Variants in RBFOX3 observed in about 807,000 individuals in gnomAD.
RBFOX3 encodes RNA binding protein fox-1 homolog 3.
A neutral mutation model predicts 48.7 loss-of-function variants in RBFOX3; 17 were observed. The ratio of observed to expected loss-of-function variants is 0.35; its 90% CI spans 0.24 to 0.52. RBFOX3 has a LOEUF of 0.52. Among genes scored for constraint, RBFOX3 ranks in the 20% least tolerant of loss-of-function variants. RBFOX3 has a pLI of 0.94. For synonymous variants in RBFOX3, 212 were observed against 209.5 expected (o/e 1.01, Z -0.10); for missense variants, 382 against 497.5 (o/e 0.77, Z 2.21).
intron 8 of RBFOX3, among the ~76,000 whole-genome samples, chr17:79,102,240 C>T (rs2076579985): frequency 6.6e-6 from 1 of 152,184 alleles, no homozygotes; most frequent in Admixed American, 6.5e-5. Flanking sequence ...CCAGGGGCAG[C>T]CTGGGATGGA....
At chr17:79,348,570 CCTTT>C (rs2083299948) in intron 2 of RBFOX3, among the ~76,000 whole-genome samples, 1 of 97,786 alleles carries the variant, frequency 1.0e-5, no homozygotes, top group Admixed American at 1.2e-4. Flanking sequence ...CTTTTCTTTT[CCTTT>C]TTTTTTTTTT....
Position 79,248,240 on chromosome 17 carries a change from G to T in RBFOX3, c.-73-12435C>A, listed in dbSNP as rs572909118. Among the ~76,000 whole-genome samples, 496 of 148,740 alleles carry T rather than the reference G, an allele frequency of 3.3e-3. 1 individual carries two copies. The highest frequency in any genetic ancestry group is 0.011 in the African/African-American group (450 of 40,754). On this transcript the variant is annotated intron_variant, in intron 3 of 14. Coordinates refer to ENST00000693108, the MANE Select transcript of RBFOX3 (RefSeq NM_001350451.2). ...TGGTGGCTTTGTTTTGTGTGTGTGTGTTTTTTTTTTGGAGATGGAGTCTTG... is the reference window on the plus strand; with the variant it reads ...TGGTGGCTTTGTTTTGTGTGTGTGTTTTTTTTTTTTGGAGATGGAGTCTTG...
chr17:79,558,037 ACTG>A (rs1279590058), intron 1 of RBFOX3, among the ~76,000 whole-genome samples: 41 of 152,276 alleles, frequency 2.7e-4, no homozygotes, highest in African/African-American at 9.6e-4. Flanking sequence ...GCAGCCTGAA[ACTG>A]CTATTTTCTG....
At chr17:79,583,500 C>T (rs2093145436) in intron 1 of RBFOX3, among the ~76,000 whole-genome samples, 1 of 152,078 alleles carries the variant, frequency 6.6e-6, no homozygotes, top group Non-Finnish European at 1.5e-5. Flanking sequence ...TAACTGGGAC[C>T]CCTAAGTGGG....
intron 14 of RBFOX3, among the ~76,000 whole-genome samples, chr17:79,093,710 G>A (rs1381379621): frequency 6.6e-6 from 1 of 152,122 alleles, no homozygotes; most frequent in Non-Finnish European, 1.5e-5. Flanking sequence ...CGGGGCTGGG[G>A]CCAGTGGGTA....
intron 3 of RBFOX3, among the ~76,000 whole-genome samples, chr17:79,303,518 T>C (rs964841252): frequency 6.6e-6 from 1 of 152,086 alleles, no homozygotes; most frequent in African/African-American, 2.4e-5. Flanking sequence ...CCTGATTTTA[T>C]TAAAAGTCCC....
At position 79,388,079 on chromosome 17, in the gene RBFOX3, C is replaced by T. The variant is rs115547495; in HGVS notation, c.-174-80255G>A. On this transcript the variant is annotated intron_variant, in intron 2 of 14. Transcript: ENST00000693108. Reference sequence around the variant, plus strand: ...GTGCACTGTGCAGTGTGTGTGCCTACGTGTGCATGTGTGTGCATGTGGACA... The same window carrying T: ...GTGCACTGTGCAGTGTGTGTGCCTATGTGTGCATGTGTGTGCATGTGGACA... 5.7e-3 allele frequency among the ~76,000 whole-genome samples: 862 copies of T among 151,454 alleles called. 7 individuals are homozygous for T. The highest frequency in any genetic ancestry group is 0.02 in the African/African-American group (807 of 41,256).
At chr17:79,247,447 G>A (rs908174210) in intron 3 of RBFOX3, among the ~76,000 whole-genome samples, 3 of 151,392 alleles carry the variant, frequency 2.0e-5, no homozygotes, top group African/African-American at 7.3e-5. Flanking sequence ...CGAGTAGCTG[G>A]GATTACAGGT....
chr17:79,496,408 C>T (rs1437611577), intron 1 of RBFOX3, among the ~76,000 whole-genome samples: 6 of 152,166 alleles, frequency 3.9e-5, no homozygotes, highest in African/African-American at 1.4e-4. Flanking sequence ...AGGCCTAGCA[C>T]ACACTTCCAG....
chr17:79,435,039 C>A (rs1274582297), intron 2 of RBFOX3, among the ~76,000 whole-genome samples: 2 of 152,200 alleles, frequency 1.3e-5, no homozygotes, highest in Non-Finnish European at 2.9e-5. Context: ...TTCTCCTCTG[C>A]AAAACAAAAA....
At chr17:79,273,574 GGGC>G (rs141086343) in intron 3 of RBFOX3, among the ~76,000 whole-genome samples, 5,147 of 151,644 alleles carry the variant, frequency 0.034, 294 homozygotes, top group African/African-American at 0.12. Flanking sequence ...GCTCTGGGGG[GGGC>G]GGGGGCGGGG....
the RBFOX3 span, among the ~76,000 whole-genome samples, chr17:79,649,697 C>T: frequency 1.3e-5 from 2 of 150,604 alleles, no homozygotes; most frequent in African/African-American, 4.9e-5. Flanking sequence ...CAACACTCCA[C>T]CTCAAAAAAG....
chr17:79,346,501 C>G (rs554682472), intron 2 of RBFOX3, among the ~76,000 whole-genome samples: 6 of 152,200 alleles, frequency 3.9e-5, no homozygotes, highest in Non-Finnish European at 5.9e-5. Context: ...TCTTAATTAC[C>G]ATAGCTTCAC....
Position 79,103,114 on chromosome 17 carries a change from G to T in RBFOX3, c.507+48C>A. 1 of 1,399,892 alleles carries T rather than the reference G, an allele frequency of 7.1e-7. No homozygotes were observed. Among genetic ancestry groups the T allele is most frequent in the Non-Finnish European group, 9.9e-7 (1 of 1,010,260 alleles). The allele number at this position is 1,399,892 out of a possible 1,614,324, so 86.7% of individuals were successfully genotyped here. A position where few individuals can be genotyped will look rare whatever the true frequency, so the allele number is the denominator to read the frequency against. ...GGTTGGTTGGGGGAGCTGGGGGGCA[G>T]GTGGGCGATCTTGGGGCATCCCTGC... On this transcript the variant is annotated intron_variant, in intron 8 of 14. Transcript: ENST00000693108. The surrounding 1 kb of genome is among the most constrained non-coding windows in gnomAD (Gnocchi z 6.1).
chr17:79,221,129 G>T (rs1213755040), intron 4 of RBFOX3, among the ~76,000 whole-genome samples: 2 of 152,212 alleles, frequency 1.3e-5, no homozygotes, highest in Non-Finnish European at 2.9e-5. Context: ...CCGGCTGAGC[G>T]CTGTTGACAG....
intron 2 of RBFOX3, among the ~76,000 whole-genome samples, chr17:79,367,871 C>A (rs2147496263): frequency 6.6e-6 from 1 of 152,316 alleles, no homozygotes; most frequent in South Asian, 2.1e-4. Flanking sequence ...AATCCACCGA[C>A]AATCGTTCAC....
In RBFOX3 at chr17:79,090,873, G is replaced by C. The variant is rs1350208543; in HGVS notation, c.*10C>G. 1.3e-6 allele frequency: 2 copies of C among 1,532,478 alleles called. No individual in the cohort carries two copies. 94.9% of individuals were successfully genotyped at this position (1,532,478 alleles called of 1,614,324 possible). ...CCCTTCATGGTCCGAGAAGGAAACG[G>C]TGGAAGGTTTCACTACAACAGAAAC... On this transcript the variant is annotated 3_prime_UTR_variant, in exon 15 of 15. Coordinates refer to ENST00000693108, the MANE Select transcript of RBFOX3 (RefSeq NM_001350451.2).
intron 4 of RBFOX3, among the ~76,000 whole-genome samples, chr17:79,196,018 C>T (rs1178903384): frequency 3.3e-5 from 5 of 152,188 alleles, no homozygotes; most frequent in African/African-American, 1.2e-4. Context: ...CCTCATGCTC[C>T]ACCCCAGCCT....
rs144102971 is a variant in RBFOX3 at position 79,138,919 on chromosome 17, C to G, written c.-33-23171G>C. Among the ~76,000 whole-genome samples the G allele has an allele frequency of 4.0e-3, 318 of 79,690 alleles. 1 individual carries two copies. The highest frequency in any genetic ancestry group is 0.016 in the African/African-American group (297 of 18,222). 52.3% of individuals were successfully genotyped at this position (79,690 alleles called of 152,430 possible). A position where few individuals can be genotyped will look rare whatever the true frequency, so the allele number is the denominator to read the frequency against. On this transcript the variant is annotated intron_variant, in intron 4 of 14. Coordinates refer to ENST00000693108, the MANE Select transcript of RBFOX3 (RefSeq NM_001350451.2). ...ATGCATTCACACCCTCACCCGCACACGCACACAGCACATGCATTCACACCC... is the reference window on the plus strand; with the variant it reads ...ATGCATTCACACCCTCACCCGCACAGGCACACAGCACATGCATTCACACCC...
Sources: gnomAD v4.1 joint callset for allele counts (sites outside exome capture counted in the v4.1 genomes callset) on GRCh38, gnomAD v4.1.1 for gene constraint, Gnocchi (gnomAD v3.1) non-coding constraint, MANE v1.5 for transcripts, NCBI Gene and HGNC (gene_info 2026-07-23, HGNC 2026-07-21) for gene names.